TMEM9: variants seen among roughly 807,000 people sequenced by gnomAD.
The protein encoded by TMEM9 is proton-transporting V-type ATPase complex assembly regulator TMEM9.
TMEM9 carries 13 observed loss-of-function variants against 22.8 expected under a neutral mutation model. That is an observed-to-expected ratio of 0.57 (90% confidence interval 0.37 to 0.91). The LOEUF is 0.91. Among genes scored for constraint, TMEM9 ranks in the 40% least tolerant of loss-of-function variants. The pLI, the probability that TMEM9 is intolerant of heterozygous loss-of-function variation, is 0.01. For synonymous variants in TMEM9, 88 were observed against 93.0 expected, an observed-to-expected ratio of 0.95 and a Z score of 0.31; for missense variants, 182 against 238.1, an observed-to-expected ratio of 0.76 and a Z score of 1.55.
At chr1:201,162,216 C>A (rs1392174982) in intron 1 of TMEM9, among the ~76,000 whole-genome samples, 4 of 151,176 alleles carry the variant, frequency 2.6e-5, no homozygotes, top group African/African-American at 7.3e-5. Context: ...GTGACCCAGG[C>A]ACAATCATGG....
At position 201,136,332 on chromosome 1, in the gene TMEM9, T is replaced by C. The variant is rs573479221; in HGVS notation, c.400-517A>G. On this transcript the variant is annotated intron_variant, in intron 4 of 4. Transcript: ENST00000367330. ...GAGAACTCCCCTGCCCTCCACGCCATTGCCCAGGGGACAGGAAGAAGGCCC... is the reference window on the plus strand; with the variant it reads ...GAGAACTCCCCTGCCCTCCACGCCACTGCCCAGGGGACAGGAAGAAGGCCC... 9.2e-5 allele frequency among the ~76,000 whole-genome samples: 14 copies of C among 152,288 alleles called. 1 individual carries two copies. In the South Asian group the frequency reaches 2.9e-3, roughly 32 times the overall value.
chr1:201,150,625 A>G (rs1665350130), intron 2 of TMEM9, among the ~76,000 whole-genome samples: 1 of 152,206 alleles, frequency 6.6e-6, no homozygotes, highest in South Asian at 2.1e-4. Flanking sequence ...CTATCTAACT[A>G]GACTGCCTCT....
chr1:201,141,360 G>C (rs1300508740), intron 4 of TMEM9, among the ~76,000 whole-genome samples: 1 of 152,208 alleles, frequency 6.6e-6, no homozygotes, highest in Non-Finnish European at 1.5e-5. Flanking sequence ...GAGAAAAGCA[G>C]AGTTGCTGAA....
intron 1 of TMEM9, among the ~76,000 whole-genome samples, chr1:201,160,615 G>A (rs1665916329): frequency 1.2e-5 from 1 of 82,372 alleles, no homozygotes; most frequent in Non-Finnish European, 2.9e-5. Context: ...AGGTTATACT[G>A]GGGAAATTTT....
chr1:201,143,744 G>C, intron 4 of TMEM9, 76 bp downstream of exon 4: 2 of 1,518,736 alleles, frequency 1.3e-6, no homozygotes, highest in Non-Finnish European at 1.8e-6. Context: ...CCTGGACCTA[G>C]GTGACGCTCC....
Position 201,143,862 on chromosome 1 carries a change from C to T in TMEM9, c.357G>A (p.Pro119=), listed in dbSNP as rs751535043. ...LMLVDPLIRK[P]DAYTEQLHNE... ...TGTGCAGTTGCTCAGTATATGCATC[C>T]GGCTTTCGGATCAGAGGGTCCACCA... The change falls in exon 4 of 5, where the codon CCG becomes CCA. Residue 119 remains proline, a synonymous_variant. Transcript: ENST00000367330. 11 of 1,613,932 alleles carry T rather than the reference C, an allele frequency of 6.8e-6. No homozygotes were observed. Among genetic ancestry groups the T allele is most frequent in the Non-Finnish European group, 5.9e-6 (7 of 1,179,984 alleles).
chr1:201,153,976 G>A lies in TMEM9; in HGVS notation c.-53C>T, dbSNP rs560639310. 29 of 1,566,766 alleles carry A rather than the reference G, an allele frequency of 1.9e-5. No homozygotes were observed. In the East Asian group the frequency reaches 5.9e-4, roughly 32 times the overall value. On this transcript the variant is annotated 5_prime_UTR_variant, in exon 1 of 5. Transcript: ENST00000367330. Reference sequence around the variant, plus strand: ...GCCGGACACCTGGAAAAAGAGATACGGAGTCGGAGAAGGGGAAGGTGGCCA... The same window carrying A: ...GCCGGACACCTGGAAAAAGAGATACAGAGTCGGAGAAGGGGAAGGTGGCCA...
intron 4 of TMEM9, among the ~76,000 whole-genome samples, chr1:201,140,479 C>T (rs1287489438): frequency 6.6e-6 from 1 of 152,220 alleles, no homozygotes; most frequent in Non-Finnish European, 1.5e-5. Context: ...CCTACTGAGG[C>T]TCTGCCAGCG....
intron 2 of TMEM9, 67 bp from the exon 3 acceptor site, chr1:201,146,915 A>G: frequency 6.7e-7 from 1 of 1,482,320 alleles, no homozygotes; most frequent in Non-Finnish European, 9.4e-7. Flanking sequence ...AGACCAGAGA[A>G]GCAGGTAGCC....
upstream of TMEM9, among the ~76,000 whole-genome samples, chr1:201,156,826 G>A (rs1558119412): frequency 6.6e-6 from 1 of 152,200 alleles, no homozygotes; most frequent in Non-Finnish European, 1.5e-5. Context: ...AAACTCCAGG[G>A]CTCACAGATG....
intron 3 of TMEM9, chr1:201,144,236 G>A: frequency 3.1e-6 from 1 of 320,406 alleles, no homozygotes; most frequent in Non-Finnish European, 5.9e-6. Context: ...CTGATGCCGA[G>A]AGGCTCCCGG....
chr1:201,152,849 A>G (rs1325953017), intron 1 of TMEM9, among the ~76,000 whole-genome samples: 2 of 152,248 alleles, frequency 1.3e-5, no homozygotes, highest in Non-Finnish European at 2.9e-5. Flanking sequence ...ACTATAGCAG[A>G]GCGCATTCAT....
intron 4 of TMEM9, among the ~76,000 whole-genome samples, chr1:201,140,955 G>C (rs566002590): frequency 3.9e-5 from 6 of 152,020 alleles, no homozygotes; most frequent in African/African-American, 1.5e-4. Flanking sequence ...ATCCCTCGTC[G>C]TCCAGGACTA....
At chr1:201,147,180 A>G (rs993451589) in intron 2 of TMEM9, among the ~76,000 whole-genome samples, 6 of 152,190 alleles carry the variant, frequency 3.9e-5, no homozygotes, top group South Asian at 4.2e-4. Flanking sequence ...ATCTGTCCCA[A>G]AGGTTCAACT....
At chr1:201,141,333 G>A (rs182567178) in intron 4 of TMEM9, among the ~76,000 whole-genome samples, 2 of 152,192 alleles carry the variant, frequency 1.3e-5, no homozygotes, top group African/African-American at 2.4e-5. Flanking sequence ...GCCACCTGCA[G>A]GTTTTCTGAA....
intron 4 of TMEM9, among the ~76,000 whole-genome samples, chr1:201,138,566 C>T (rs1032523153): frequency 9.2e-5 from 14 of 152,120 alleles, no homozygotes; most frequent in South Asian, 4.1e-4. Flanking sequence ...GGAGGGGAGG[C>T]GGGTGGAGCC....
At chr1:201,153,253 G>A (rs763573694) in intron 1 of TMEM9, among the ~76,000 whole-genome samples, 1 of 152,024 alleles carries the variant, frequency 6.6e-6, no homozygotes. Flanking sequence ...AATATTTATC[G>A]GTAGCATATA....
At chr1:201,156,202 T>A (rs1665788640), upstream of TMEM9, among the ~76,000 whole-genome samples, 1 of 152,182 alleles carries the variant, frequency 6.6e-6, no homozygotes, top group Admixed American at 6.5e-5. Context: ...TCATTCTGCA[T>A]TTCTGCAGGT....
At chr1:201,144,182 G>A (rs1572110083) in intron 3 of TMEM9, 1 of 485,504 alleles carries the variant, frequency 2.1e-6, no homozygotes, top group East Asian at 3.5e-5. Flanking sequence ...CTGCACAGCA[G>A]GCATCACGAC....
Sources: allele counts gnomAD v4.1 joint callset (sites outside exome capture counted in the v4.1 genomes callset), GRCh38; gene constraint gnomAD v4.1.1; transcripts MANE v1.5; gene names NCBI Gene and HGNC (gene_info 2026-07-23, HGNC 2026-07-21).